Variants in L3MBTL4 observed in about 807,000 individuals in gnomAD.
The protein encoded by L3MBTL4 is lethal(3)malignant brain tumor-like protein 4.
L3MBTL4 carries 70 observed loss-of-function variants against 84.5 expected under a neutral mutation model. The ratio of observed to expected loss-of-function variants is 0.83; its 90% confidence interval spans 0.68 to 1.01. L3MBTL4 has a LOEUF of 1.01. Ranked by LOEUF, L3MBTL4 falls within the 50% of genes least tolerant of loss-of-function variation. L3MBTL4 has a pLI of 0.00. For synonymous variants in L3MBTL4, 274 were observed against 259.8 expected, an observed-to-expected ratio of 1.05 and a Z score of -0.52; for missense variants, 715 against 754.8, an observed-to-expected ratio of 0.95 and a Z score of 0.62.
chr18:6,118,062 G>A (rs2059409411), intron 14 of L3MBTL4, among the ~76,000 whole-genome samples: 1 of 152,022 alleles, frequency 6.6e-6, no homozygotes, highest in African/African-American at 2.4e-5. Flanking sequence ...TCAGAACCAA[G>A]TTGTAGAGGC....
chr18:6,294,769 G>C (rs1166450446), intron 4 of L3MBTL4, among the ~76,000 whole-genome samples: 3 of 152,156 alleles, frequency 2.0e-5, no homozygotes, highest in African/African-American at 4.8e-5. Flanking sequence ...CCAGAGTTCA[G>C]CACTCTTACT....
At chr18:6,227,994 T>C (rs1447154699) in intron 10 of L3MBTL4, among the ~76,000 whole-genome samples, 1 of 152,146 alleles carries the variant, frequency 6.6e-6, no homozygotes, top group Non-Finnish European at 1.5e-5. Flanking sequence ...AACTGACACA[T>C]AATAGTTGTA....
chr18:6,196,157 CTTTTTTTTTT>C (rs71370547), intron 12 of L3MBTL4, among the ~76,000 whole-genome samples: 1 of 130,226 alleles, frequency 7.7e-6, no homozygotes, highest in African/African-American at 3.3e-5. Flanking sequence ...TAGAGTTCCT[CTTTTTTTTTT>C]TTTTTTTTGA....
chr18:6,228,984 A>G (rs553183163), intron 10 of L3MBTL4, among the ~76,000 whole-genome samples: 4 of 152,352 alleles, frequency 2.6e-5, no homozygotes, highest in African/African-American at 7.2e-5. Context: ...GCAAATAGGT[A>G]ACTATTAACT....
chr18:6,175,384 CA>C (rs370287889), intron 12 of L3MBTL4, among the ~76,000 whole-genome samples: 403 of 150,442 alleles, frequency 2.7e-3, no homozygotes, highest in African/African-American at 9.0e-3. Context: ...TTCAGATAAA[CA>C]AAAAAAAAGA....
chr18:5,971,719 T>C (rs1396941419), intron 16 of L3MBTL4, among the ~76,000 whole-genome samples: 5 of 152,314 alleles, frequency 3.3e-5, no homozygotes, highest in Admixed American at 3.3e-4. Context: ...TTATCTGCTT[T>C]GGGTGCTGGG....
chr18:5,962,361 A>G (rs1258066440), intron 17 of L3MBTL4, among the ~76,000 whole-genome samples: 3 of 152,158 alleles, frequency 2.0e-5, no homozygotes, highest in Non-Finnish European at 2.9e-5. Context: ...AATCCCAGCA[A>G]ACCCCAAAGC....
chr18:6,138,102 C>G, intron 14 of L3MBTL4, 92 bp downstream of exon 14: 1 of 777,482 alleles, frequency 1.3e-6, no homozygotes, highest in Non-Finnish European at 2.1e-6. Context: ...GCAGCTGGCT[C>G]CATGAGACTC....
chr18:6,277,516 G>A (rs571901622), intron 4 of L3MBTL4, among the ~76,000 whole-genome samples: 3 of 152,202 alleles, frequency 2.0e-5, no homozygotes, highest in South Asian at 2.1e-4. Context: ...CCACCAGAAC[G>A]TTGGGGATTT....
chr18:6,296,545 G>C (rs1214596649), intron 4 of L3MBTL4, among the ~76,000 whole-genome samples: 1 of 152,200 alleles, frequency 6.6e-6, no homozygotes, highest in Non-Finnish European at 1.5e-5. Flanking sequence ...TTTTGAAGGA[G>C]TCAGCCAGAA....
intron 1 of L3MBTL4, among the ~76,000 whole-genome samples, chr18:6,402,979 G>C (rs2055573613): frequency 6.6e-6 from 1 of 152,190 alleles, no homozygotes. Flanking sequence ...GGCAGAGGTA[G>C]GAAAGAAGGG....
At chr18:6,312,629 G>C (rs2050893230) in intron 1 of L3MBTL4, among the ~76,000 whole-genome samples, 1 of 152,196 alleles carries the variant, frequency 6.6e-6, no homozygotes, top group Admixed American at 6.5e-5. Flanking sequence ...CATCCCAGGA[G>C]AAAATGCATC....
chr18:6,218,862 G>A (rs563100697), intron 10 of L3MBTL4, among the ~76,000 whole-genome samples: 1 of 152,200 alleles, frequency 6.6e-6, no homozygotes, highest in East Asian at 1.9e-4. Context: ...GGAGTGGGAG[G>A]GGCCAGGTCC....
At chr18:6,413,539 A>T (rs2056058145) in intron 1 of L3MBTL4, among the ~76,000 whole-genome samples, 1 of 152,170 alleles carries the variant, frequency 6.6e-6, no homozygotes, top group African/African-American at 2.4e-5. Flanking sequence ...TGTACCCACC[A>T]CCTGTTTGTC....
chr18:6,385,623 T>G (rs1236503764), intron 1 of L3MBTL4, among the ~76,000 whole-genome samples: 2 of 152,204 alleles, frequency 1.3e-5, no homozygotes, highest in Non-Finnish European at 2.9e-5. Flanking sequence ...CAAGAAAATA[T>G]TTCACAACTT....
intron 16 of L3MBTL4, among the ~76,000 whole-genome samples, chr18:6,058,943 C>T (rs568987396): frequency 1.3e-5 from 2 of 152,308 alleles, no homozygotes; most frequent in South Asian, 4.1e-4. Flanking sequence ...AGTGTTGGAA[C>T]ACAAAGGTGC....
At chr18:6,169,546 G>A (rs952662166) in intron 13 of L3MBTL4, among the ~76,000 whole-genome samples, 2 of 151,992 alleles carry the variant, frequency 1.3e-5, no homozygotes, top group East Asian at 3.9e-4. Flanking sequence ...GGATGAAGCT[G>A]GAAACCATCA....
At chr18:6,093,217 C>G (rs2058516300) in intron 15 of L3MBTL4, 138 bp downstream of exon 15, 1 of 638,812 alleles carries the variant, frequency 1.6e-6, no homozygotes, top group Admixed American at 3.5e-5. Flanking sequence ...TTTTATCAGC[C>G]CAGCGAACCT....
chr18:6,056,010 C>T (rs145079535), intron 16 of L3MBTL4, among the ~76,000 whole-genome samples: 1 of 151,998 alleles, frequency 6.6e-6, no homozygotes, highest in African/African-American at 2.4e-5. Context: ...GTCAGCCAGG[C>T]GGAAAACGCC....
Sources: gnomAD v4.1 joint callset for allele counts (sites outside exome capture counted in the v4.1 genomes callset) on GRCh38, gnomAD v4.1.1 for gene constraint, MANE v1.5 for transcripts, NCBI Gene and HGNC (gene_info 2026-07-23, HGNC 2026-07-21) for gene names.